TMA7: variants seen among roughly 807,000 people sequenced by gnomAD.
TMA7 encodes translation machinery associated 7 homolog.
A neutral mutation model predicts 12.5 loss-of-function variants in TMA7; 5 were observed. That is an observed-to-expected ratio of 0.40 (90% confidence interval 0.21 to 0.84). TMA7 has a LOEUF of 0.84. TMA7 is among the 40% of genes least tolerant of loss of function. The pLI is 0.36. For missense variants in TMA7, 71 were observed against 75.4 expected (o/e 0.94, Z 0.22); for synonymous variants, 36 against 28.1 (o/e 1.28, Z -0.89).
In TMA7 at chr3:48,443,876, AAAGT is replaced by A; in HGVS notation, c.193_*1del. On this transcript the variant is annotated frameshift_variant and stop_lost, in exon 4 of 4. Transcript: ENST00000438607. LOFTEE classifies it high-confidence loss of function. ...CAGGTGGAATTAAGAAATCTGGCAA[AAAGT>A]AAGCTGTTCCTTGTGCCTGAGGAGA... 5 of 1,559,922 alleles carry A rather than the reference AAAGT, an allele frequency of 3.2e-6. No individual in the cohort carries two copies. The highest frequency in any genetic ancestry group is 1.2e-5 in the South Asian group (1 of 82,420).
rs1201742628 is a variant in TMA7 at position 48,440,498 on chromosome 3, C to T, written c.72+40C>T. ...GGAGGCACTGGCGGGTGCGGGGGCG[C>T]TGGGAGACAGGCCTGAGTTGAACAC... On this transcript the variant is annotated intron_variant, in intron 2 of 3. Coordinates refer to ENST00000438607, the MANE Select transcript of TMA7 (RefSeq NM_015933.6). 3.1e-6 allele frequency: 5 copies of T among 1,603,358 alleles called. No homozygotes were observed. The South Asian group carries it at 3.3e-5, about 11-fold the overall frequency.
chr3:48,444,061 C>CAGA lies in TMA7; in HGVS notation c.*179_*180insAGA, dbSNP rs2039624787. On this transcript the variant is annotated 3_prime_UTR_variant, in exon 4 of 4. Coordinates refer to ENST00000438607, the MANE Select transcript of TMA7 (RefSeq NM_015933.6). ...GAAAAATCTTACAGTGGCTCATCAT[C>CAGA]TCTTTAGTTGTTTTCACTAAGTCGT... 1 of 432,260 alleles carries CAGA rather than the reference C, an allele frequency of 2.3e-6. No homozygotes were observed. Among genetic ancestry groups the CAGA allele is most frequent in the Non-Finnish European group, 4.0e-6 (1 of 249,380 alleles). 26.8% of individuals were successfully genotyped at this position (432,260 alleles called of 1,614,324 possible). A position where few individuals can be genotyped will look rare whatever the true frequency, so the allele number is the denominator to read the frequency against.
rs531938710 is a variant in TMA7 at position 48,444,094 on chromosome 3, A to G, written c.*212A>G. The G allele has an allele frequency of 2.0e-4, 76 of 385,348 alleles. No individual in the cohort carries two copies. The highest frequency in any genetic ancestry group is 8.1e-4 in the Admixed American group (18 of 22,140). 23.9% of individuals were successfully genotyped at this position (385,348 alleles called of 1,614,324 possible). A position where few individuals can be genotyped will look rare whatever the true frequency, so the allele number is the denominator to read the frequency against. On this transcript the variant is annotated 3_prime_UTR_variant, in exon 4 of 4. Coordinates refer to ENST00000438607, the MANE Select transcript of TMA7 (RefSeq NM_015933.6). ...TTGTTTTCACTAAGTCGTTCCTACCATAACTGTGAATTTAAAGTAAAACCA... is the reference window on the plus strand; with the variant it reads ...TTGTTTTCACTAAGTCGTTCCTACCGTAACTGTGAATTTAAAGTAAAACCA...
chr3:48,441,722 A>C (rs552091225), intron 3 of TMA7, among the ~76,000 whole-genome samples: 2 of 152,306 alleles, frequency 1.3e-5, no homozygotes, highest in East Asian at 3.9e-4. Flanking sequence ...CTTTATGTGC[A>C]TCATAAGCAT....
chr3:48,443,943 A>G lies in TMA7; in HGVS notation c.*61A>G. The G allele has an allele frequency of 8.1e-7, 1 of 1,234,828 alleles. No homozygotes were observed. Among genetic ancestry groups the G allele is most frequent in the Non-Finnish European group, 1.1e-6 (1 of 925,540 alleles). 76.5% of individuals were successfully genotyped at this position (1,234,828 alleles called of 1,614,324 possible). ...ATTTCATCTGTATTTAAACCTCTCT[A>G]TTCCCTGCCATAACATCTTTTGCCA... On this transcript the variant is annotated 3_prime_UTR_variant, in exon 4 of 4. Coordinates refer to ENST00000438607, the MANE Select transcript of TMA7 (RefSeq NM_015933.6).
chr3:48,440,950 T>C, intron 3 of TMA7: 1 of 441,836 alleles, frequency 2.3e-6, no homozygotes, highest in South Asian at 2.7e-5. Flanking sequence ...CCGCAATCTT[T>C]TGCCCCAAAT....
In TMA7 at chr3:48,440,399, A is replaced by C. The variant is rs747694225; in HGVS notation, c.17-4A>C. ...CAGGCCGAACGTGCTCGTGTCGCCC[A>C]CAGGTGGCAAGAAGAAGCCACTGAA... On this transcript the variant is annotated splice_region_variant and splice_polypyrimidine_tract_variant and intron_variant, in intron 1 of 3. Transcript: ENST00000438607. 7 of 1,611,662 alleles carry C rather than the reference A, an allele frequency of 4.3e-6. No homozygotes were observed. The highest frequency in any genetic ancestry group is 1.1e-5 in the South Asian group (1 of 91,070).
In TMA7 at chr3:48,443,840, T is replaced by C; in HGVS notation, c.161-8T>C. ...TTTTCCCTAATTGTGACTATTTTTC[T>C]TTTGCAGCCACAGGTGGAATTAAGA... On this transcript the variant is annotated splice_polypyrimidine_tract_variant and splice_region_variant and intron_variant, in intron 3 of 3. Coordinates refer to ENST00000438607, the MANE Select transcript of TMA7 (RefSeq NM_015933.6). The C allele has an allele frequency of 6.4e-7, 1 of 1,560,090 alleles. No individual in the cohort carries two copies. The highest frequency in any genetic ancestry group is 8.6e-7 in the Non-Finnish European group (1 of 1,159,390).
chr3:48,440,847 C>T, intron 3 of TMA7: 3 of 596,104 alleles, frequency 5.0e-6, no homozygotes, highest in Non-Finnish European at 9.0e-6. Flanking sequence ...TCTGGGCTTC[C>T]ATTCCTTAGG....
At position 48,440,797 on chromosome 3, in the gene TMA7, G is replaced by T. The variant is rs898926227; in HGVS notation, c.160+169G>T. ...GTCTAGGATTTGCAGCGGCAGTAAG[G>T]GCCGGGAGCTGGAAACGAGGTCTCC... On this transcript the variant is annotated intron_variant, in intron 3 of 3. Transcript: ENST00000438607. 6.1e-6 allele frequency: 4 copies of T among 657,238 alleles called. No individual in the cohort carries two copies. The African/African-American group carries it at 7.3e-5, about 12-fold the overall frequency. 40.7% of individuals were successfully genotyped at this position (657,238 alleles called of 1,614,324 possible). A position where few individuals can be genotyped will look rare whatever the true frequency, so the allele number is the denominator to read the frequency against.
At chr3:48,443,802 G>A (rs781292369) in intron 3 of TMA7, 46 bp from the exon 4 acceptor site, 74 of 1,513,946 alleles carry the variant, frequency 4.9e-5, no homozygotes, top group Admixed American at 2.0e-4. Flanking sequence ...GGCTTCTACC[G>A]TAAGAACTAT....
In TMA7 at chr3:48,440,555, C is replaced by A. The variant is rs375346878; in HGVS notation, c.87C>A (p.Phe29Leu). 1.9e-6 allele frequency: 3 copies of A among 1,611,718 alleles called. No homozygotes were observed. Among genetic ancestry groups the A allele is most frequent in the Non-Finnish European group, 2.5e-6 (3 of 1,179,672 alleles). The part of the protein sequence containing the change: ...AKEMDEEDKA[F>L]KQKQKEEQKK... ...CCTCTCCCCAGGAAGATAAGGCTTT[C>A]AAGCAGAAACAAAAAGAGGAGCAGA... Residue 29 changes from phenylalanine to leucine, a missense_variant, in exon 3 of 4, where the codon TTC becomes TTA. By Grantham distance (22) the Phe-to-Leu change is conservative (BLOSUM62 0). Coordinates refer to ENST00000438607, the MANE Select transcript of TMA7 (RefSeq NM_015933.6).
At chr3:48,443,137 G>A (rs1467932486) in intron 3 of TMA7, among the ~76,000 whole-genome samples, 1 of 150,128 alleles carries the variant, frequency 6.7e-6, no homozygotes, top group African/African-American at 2.5e-5. Context: ...CTACTCGGAA[G>A]GCTCATGCAT....
intron 2 of TMA7, 35 bp from the exon 3 acceptor site, chr3:48,440,506 C>G: frequency 6.2e-7 from 1 of 1,605,148 alleles, no homozygotes; most frequent in Non-Finnish European, 8.5e-7. Flanking sequence ...CGCTGGGAGA[C>G]AGGCCTGAGT....
chr3:48,442,216 G>A (rs1053681795), intron 3 of TMA7, among the ~76,000 whole-genome samples: 2 of 150,454 alleles, frequency 1.3e-5, no homozygotes, highest in Non-Finnish European at 2.9e-5. Flanking sequence ...AGCTGGGATT[G>A]CGCCACTGTA....
At position 48,440,390 on chromosome 3, in the gene TMA7, G is replaced by A. The variant is rs890205203; in HGVS notation, c.17-13G>A. On this transcript the variant is annotated splice_polypyrimidine_tract_variant and intron_variant, in intron 1 of 3. Transcript: ENST00000438607. ...CGGCAGGGGCAGGCCGAACGTGCTC[G>A]TGTCGCCCACAGGTGGCAAGAAGAA... 1.2e-6 allele frequency: 2 copies of A among 1,611,688 alleles called. No homozygotes were observed. Among genetic ancestry groups the A allele is most frequent in the African/African-American group, 1.3e-5 (1 of 74,922 alleles).
In TMA7 at chr3:48,443,952, C is replaced by G. The variant is rs1454500460; in HGVS notation, c.*70C>G. ...GTATTTAAACCTCTCTATTCCCTGC[C>G]ATAACATCTTTTGCCACGTATAGCT... On this transcript the variant is annotated 3_prime_UTR_variant, in exon 4 of 4. Transcript: ENST00000438607. The G allele has an allele frequency of 3.4e-6, 4 of 1,161,262 alleles. No homozygotes were observed. In the East Asian group the frequency reaches 1.1e-4, roughly 33 times the overall value. 71.9% of individuals were successfully genotyped at this position (1,161,262 alleles called of 1,614,324 possible).
intron 3 of TMA7, chr3:48,440,832 G>C: frequency 1.7e-6 from 1 of 604,000 alleles, no homozygotes; most frequent in South Asian, 2.0e-5. Flanking sequence ...CTGCCTCCCA[G>C]GCAGTCTGGG....
In TMA7 at chr3:48,444,022, C is replaced by G. The variant is rs1011316178; in HGVS notation, c.*140C>G. ...GAGCTGTTGTACATTTAAGAATAAA[C>G]TTTTGTAAAAAAAGAAAAATCTTAC... On this transcript the variant is annotated 3_prime_UTR_variant, in exon 4 of 4. Coordinates refer to ENST00000438607, the MANE Select transcript of TMA7 (RefSeq NM_015933.6). 4 of 648,682 alleles carry G rather than the reference C, an allele frequency of 6.2e-6. No homozygotes were observed. Among genetic ancestry groups the G allele is most frequent in the Non-Finnish European group, 9.1e-6 (4 of 438,258 alleles). 40.2% of individuals were successfully genotyped at this position (648,682 alleles called of 1,614,324 possible). A position where few individuals can be genotyped will look rare whatever the true frequency, so the allele number is the denominator to read the frequency against.
Sources: gnomAD v4.1 joint callset for allele counts (sites outside exome capture counted in the v4.1 genomes callset) on GRCh38, gnomAD v4.1.1 for gene constraint, MANE v1.5 for transcripts, NCBI Gene and HGNC (gene_info 2026-07-23, HGNC 2026-07-21) for gene names.